DPY19L3: variants seen among roughly 807,000 people sequenced by gnomAD.
DPY19L3 encodes the protein protein C-mannosyl-transferase DPY19L3.
A neutral mutation model predicts 92.3 loss-of-function variants in DPY19L3; 51 were observed. The observed-to-expected ratio is 0.55, with a 90% CI of 0.44 to 0.70. The LOEUF (loss-of-function observed/expected upper bound fraction) is 0.70. DPY19L3 is among the 30% of genes least tolerant of loss of function. DPY19L3 has a pLI of 0.00. For synonymous variants in DPY19L3, 309 were observed against 315.2 expected, an observed-to-expected ratio of 0.98 and a Z score of 0.21; for missense variants, 706 against 855.9, an observed-to-expected ratio of 0.82 and a Z score of 2.18.
At chr19:32,449,300 A>G (rs537063656) in intron 8 of DPY19L3, among the ~76,000 whole-genome samples, 1 of 152,306 alleles carries the variant, frequency 6.6e-6, no homozygotes, top group Non-Finnish European at 1.5e-5. Flanking sequence ...AAGATAATTC[A>G]CGTTCTTGGA....
At chr19:32,423,300 G>C (rs946113091) in intron 3 of DPY19L3, among the ~76,000 whole-genome samples, 1 of 151,888 alleles carries the variant, frequency 6.6e-6, no homozygotes, top group Non-Finnish European at 1.5e-5. Context: ...ATGAAGTGGC[G>C]TGATCTTGGC....
intron 15 of DPY19L3, chr19:32,467,691 A>G: frequency 1.1e-5 from 11 of 987,610 alleles, no homozygotes; most frequent in Non-Finnish European, 1.3e-5. Context: ...TCAGTGGAGC[A>G]TACATACATT....
At position 32,408,406 on chromosome 19, in the gene DPY19L3, T is replaced by A. The variant is rs750189635; in HGVS notation, c.103+50T>A. 3.7e-6 allele frequency: 5 copies of A among 1,369,138 alleles called. No homozygotes were observed. In the Admixed American group the frequency reaches 5.5e-5, roughly 15 times the overall value. 84.8% of individuals were successfully genotyped at this position (1,369,138 alleles called of 1,614,324 possible). On this transcript the variant is annotated intron_variant, in intron 2 of 18. Coordinates refer to ENST00000392250, the MANE Select transcript of DPY19L3 (RefSeq NM_001172774.2). Reference sequence around the variant, plus strand: ...AATTTGGGTTGCTTTTATTTCTGCATATTAAAATGTCACTCTCCAATAGGA... The same window carrying A: ...AATTTGGGTTGCTTTTATTTCTGCAAATTAAAATGTCACTCTCCAATAGGA...
intron 12 of DPY19L3, 58 bp from the exon 13 acceptor site, chr19:32,463,308 A>T: frequency 6.3e-7 from 1 of 1,582,082 alleles, no homozygotes; most frequent in Non-Finnish European, 8.6e-7. Flanking sequence ...TTCTTTTACA[A>T]AGATCTAACT....
At position 32,408,074 on chromosome 19, in the gene DPY19L3, C is replaced by A. The variant is rs567930044; in HGVS notation, c.-37-143C>A. The A allele has an allele frequency of 4.8e-5, 28 of 577,954 alleles. No individual in the cohort carries two copies. In the South Asian group the frequency reaches 5.4e-4, roughly 11 times the overall value. The allele number at this position is 577,954 out of a possible 1,614,324, so 35.8% of individuals were successfully genotyped here. A position where few individuals can be genotyped will look rare whatever the true frequency, so the allele number is the denominator to read the frequency against. ...CACTCCAGCCTGAGTGACAGTGAGA[C>A]CCTGTCTTGGGGGGAAGAAAAAAAA... On this transcript the variant is annotated intron_variant, in intron 1 of 18. Coordinates refer to ENST00000392250, the MANE Select transcript of DPY19L3 (RefSeq NM_001172774.2).
chr19:32,457,973 T>C (rs1969918943), intron 10 of DPY19L3, 127 bp from the exon 11 acceptor site: 1 of 686,058 alleles, frequency 1.5e-6, no homozygotes. Context: ...CTGTGAACAT[T>C]TACTGATTTT....
chr19:32,441,298 C>T (rs1969314903), intron 8 of DPY19L3, among the ~76,000 whole-genome samples: 1 of 152,068 alleles, frequency 6.6e-6, no homozygotes, highest in Non-Finnish European at 1.5e-5. Context: ...TAAATGATGG[C>T]ATATCTATGC....
chr19:32,408,595 A>G (rs899286090), intron 2 of DPY19L3, among the ~76,000 whole-genome samples: 3 of 152,114 alleles, frequency 2.0e-5, no homozygotes, highest in African/African-American at 2.4e-5. Flanking sequence ...GGTTCTTCCA[A>G]TCTCATCCTT....
At chr19:32,428,922 A>G (rs1968865374) in intron 3 of DPY19L3, among the ~76,000 whole-genome samples, 1 of 151,584 alleles carries the variant, frequency 6.6e-6, no homozygotes. Flanking sequence ...ATCTCAGCTC[A>G]CTGCAACCTC....
At chr19:32,436,667 T>G in intron 5 of DPY19L3, 100 bp downstream of exon 5, 1 of 1,107,774 alleles carries the variant, frequency 9.0e-7, no homozygotes, top group Non-Finnish European at 1.2e-6. Flanking sequence ...CTTCAACTGG[T>G]TTAGTAGAAA....
At chr19:32,406,641 C>T (rs977312038) in intron 1 of DPY19L3, among the ~76,000 whole-genome samples, 1 of 152,200 alleles carries the variant, frequency 6.6e-6, no homozygotes, top group African/African-American at 2.4e-5. Context: ...AGCCGCCTCG[C>T]CCGGCTAGCG....
At chr19:32,415,988 C>T (rs1222652612) in intron 3 of DPY19L3, among the ~76,000 whole-genome samples, 1 of 152,116 alleles carries the variant, frequency 6.6e-6, no homozygotes, top group Non-Finnish European at 1.5e-5. Context: ...CTAAGATCTG[C>T]GAGAACATTC....
intron 3 of DPY19L3, among the ~76,000 whole-genome samples, chr19:32,414,332 A>C (rs1450934270): frequency 6.6e-6 from 1 of 151,912 alleles, no homozygotes; most frequent in African/African-American, 2.4e-5. Context: ...GAGGCAAGAG[A>C]ATGGCGTGAA....
chr19:32,430,885 C>G (rs1968942719), intron 3 of DPY19L3, among the ~76,000 whole-genome samples: 1 of 151,688 alleles, frequency 6.6e-6, no homozygotes, highest in Non-Finnish European at 1.5e-5. Flanking sequence ...ACTTCAGCCT[C>G]CCAAAGTGCA....
chr19:32,441,173 T>C (rs1426248162), intron 8 of DPY19L3, among the ~76,000 whole-genome samples: 2 of 152,138 alleles, frequency 1.3e-5, no homozygotes, highest in Non-Finnish European at 2.9e-5. Flanking sequence ...CCTAAGTAAA[T>C]AATCTGCCAT....
At position 32,480,523 on chromosome 19, in the gene DPY19L3, G is replaced by A. The variant is rs369273066; in HGVS notation, c.1955G>A (p.Arg652Gln). The A allele has an allele frequency of 2.7e-5, 43 of 1,613,864 alleles. No individual in the cohort carries two copies. The highest frequency in any genetic ancestry group is 3.5e-5 in the Non-Finnish European group (41 of 1,179,890). ...CYERRHRRGC[R>Q]LRDLLDIANG... is the part of the protein sequence containing the mutation. Reference sequence around the variant, plus strand: ...GAGCGGAGGCACCGCCGGGGCTGCCGACTCCGGGACCTGCTGGACATTGCC... The same window carrying A: ...GAGCGGAGGCACCGCCGGGGCTGCCAACTCCGGGACCTGCTGGACATTGCC... Residue 652 changes from arginine to glutamine, a missense_variant, in exon 18 of 19, where the codon CGA becomes CAA. By Grantham distance (43) the Arg-to-Gln change is conservative. Transcript: ENST00000392250.
At chr19:32,408,417 C>G (rs997034239) in intron 2 of DPY19L3, 61 bp downstream of exon 2, 2 of 1,261,340 alleles carry the variant, frequency 1.6e-6, no homozygotes, top group Non-Finnish European at 2.3e-6. Context: ...ATTAAAATGT[C>G]ACTCTCCAAT....
chr19:32,478,702 A>G (rs989302162), intron 17 of DPY19L3, among the ~76,000 whole-genome samples: 2 of 152,234 alleles, frequency 1.3e-5, no homozygotes, highest in African/African-American at 4.8e-5. Context: ...TGTTTTGGAA[A>G]ACATTCTATA....
chr19:32,431,407 A>C (rs959717123), intron 3 of DPY19L3, among the ~76,000 whole-genome samples: 7 of 151,670 alleles, frequency 4.6e-5, no homozygotes, highest in Non-Finnish European at 8.8e-5. Context: ...ATTATATTTT[A>C]GACAGTGTGT....
Sources: allele counts gnomAD v4.1 joint callset (sites outside exome capture counted in the v4.1 genomes callset), GRCh38; gene constraint gnomAD v4.1.1; transcripts MANE v1.5; gene names NCBI Gene and HGNC (gene_info 2026-07-23, HGNC 2026-07-21).